TSPEAR: variants seen among roughly 807,000 people sequenced by gnomAD.
TSPEAR encodes thrombospondin type laminin G domain and EAR repeats.
In TSPEAR, 69 loss-of-function variants were observed where a neutral mutation model predicts 71.6. That is an observed-to-expected ratio of 0.96 (90% CI 0.79 to 1.18). The LOEUF (loss-of-function observed/expected upper bound fraction) is 1.18. Among genes scored for constraint, TSPEAR ranks in the 50% most tolerant of loss-of-function variants. The pLI is 0.00. For missense variants in TSPEAR, 971 were observed against 894.9 expected (o/e 1.09, Z -1.09); for synonymous variants, 402 against 387.2 (o/e 1.04, Z -0.45).
intron 3 of TSPEAR, among the ~76,000 whole-genome samples, chr21:44,531,562 G>A (rs1329727666): frequency 6.6e-6 from 1 of 150,892 alleles, no homozygotes; most frequent in Non-Finnish European, 1.5e-5. Flanking sequence ...ACGGGTGCTG[G>A]GTGGACATGA....
intron 2 of TSPEAR, among the ~76,000 whole-genome samples, chr21:44,563,057 T>C (rs1449934500): frequency 1.3e-5 from 2 of 152,106 alleles, no homozygotes; most frequent in Admixed American, 6.5e-5. Context: ...CTATAACATA[T>C]AGAAATCTAA....
chr21:44,658,725 G>A (rs930898067), intron 1 of TSPEAR, among the ~76,000 whole-genome samples: 2 of 152,072 alleles, frequency 1.3e-5, no homozygotes, highest in African/African-American at 2.4e-5. Context: ...CTTGCACTGT[G>A]GGGTAATAAG....
intron 8 of TSPEAR, among the ~76,000 whole-genome samples, chr21:44,525,108 C>T (rs2052824726): frequency 6.7e-6 from 1 of 150,040 alleles, no homozygotes; most frequent in Admixed American, 6.6e-5. Context: ...GGTTGTCAGT[C>T]AGCCAATCAG....
chr21:44,587,049 C>G (rs1018716328), intron 1 of TSPEAR, among the ~76,000 whole-genome samples: 1 of 152,106 alleles, frequency 6.6e-6, no homozygotes, highest in South Asian at 2.1e-4. Flanking sequence ...AGCAATCAGA[C>G]AAGAGAAAGA....
At chr21:44,595,751 T>C (rs1555927539) in intron 1 of TSPEAR, among the ~76,000 whole-genome samples, 1 of 152,238 alleles carries the variant, frequency 6.6e-6, no homozygotes, top group Non-Finnish European at 1.5e-5. Context: ...TGTGTATGTG[T>C]AAACATATAT....
At chr21:44,533,389 G>A (rs1192295134) in intron 3 of TSPEAR, among the ~76,000 whole-genome samples, 5 of 152,124 alleles carry the variant, frequency 3.3e-5, no homozygotes, top group African/African-American at 7.2e-5. Context: ...CTTGCCCCCT[G>A]GTCGGCTCCT....
chr21:44,607,616 T>C (rs900186737), intron 1 of TSPEAR, among the ~76,000 whole-genome samples: 2 of 152,188 alleles, frequency 1.3e-5, no homozygotes, highest in African/African-American at 4.8e-5. Context: ...AATCGGATTT[T>C]ACTACAATTA....
chr21:44,522,146 G>A, intron 8 of TSPEAR, 34 bp from the exon 9 acceptor site: 2 of 1,597,402 alleles, frequency 1.3e-6, no homozygotes, highest in Non-Finnish European at 1.7e-6. Context: ...GGGCAGGGAG[G>A]CAGATTCCAC....
At chr21:44,555,702 GCA>G (rs2053517052) in intron 2 of TSPEAR, among the ~76,000 whole-genome samples, 1 of 152,002 alleles carries the variant, frequency 6.6e-6, no homozygotes, top group Non-Finnish European at 1.5e-5. Context: ...GGTAGAGGCT[GCA>G]CACACACAGT....
chr21:44,648,061 C>A (rs1361934818), intron 1 of TSPEAR, among the ~76,000 whole-genome samples: 4 of 152,242 alleles, frequency 2.6e-5, no homozygotes, highest in African/African-American at 9.6e-5. Context: ...GGTGCCCACA[C>A]AGAGGGCTGC....
At chr21:44,504,920 C>T (rs1484145454) in intron 10 of TSPEAR, 39 bp from the exon 11 acceptor site, 8 of 1,532,168 alleles carry the variant, frequency 5.2e-6, no homozygotes, top group African/African-American at 2.7e-5. Context: ...ACACAACAGA[C>T]ATCGCCAGGG....
Position 44,506,168 on chromosome 21 carries a change from G to A in TSPEAR, c.1755-1287C>T, listed in dbSNP as rs1005794078. The stretch of plus-strand genomic sequence containing the variant: ...GTTGCAAACAAATTTGCTGTGTCCT[G>A]TCTTAGGAGTCTCACCTGAATTTAC... On this transcript the variant is annotated intron_variant, in intron 10 of 11. Transcript: ENST00000323084. This position sits in a 1 kb window ranked among gnomAD's most constrained non-coding sequence, Gnocchi z 4.2. Among the ~76,000 whole-genome samples, 3 of 152,214 alleles carry A rather than the reference G, an allele frequency of 2.0e-5. No individual in the cohort carries two copies. The highest frequency in any genetic ancestry group is 2.1e-4 in the South Asian group (1 of 4,826).
chr21:44,707,279 G>A (rs28620173), intron 1 of TSPEAR, among the ~76,000 whole-genome samples: 21,695 of 149,566 alleles, frequency 0.15, 1,814 homozygotes, highest in Non-Finnish European at 0.17. Flanking sequence ...CCAGGAAGAT[G>A]GGGGTGGGGA....
intron 2 of TSPEAR, among the ~76,000 whole-genome samples, chr21:44,547,662 C>T (rs11909604): frequency 0.032 from 4,808 of 152,280 alleles, 248 homozygotes; most frequent in African/African-American, 0.11. Flanking sequence ...GTTCCTTAAA[C>T]GCCTGGAATC....
chr21:44,681,958 C>T lies in TSPEAR; in HGVS notation c.82+29475G>A, dbSNP rs369373392. 6.4e-4 allele frequency: 1,027 copies of T among 1,613,834 alleles called. 7 individuals carry two copies. The South Asian group carries it at 9.7e-3, about 15-fold the overall frequency. On this transcript the variant is annotated intron_variant, in intron 1 of 11. Transcript: ENST00000323084. ...ACGACGGGCCTGCAGCTCACGGGCA[C>T]GCACACAGAGGACTGGCATCTCACG... is the stretch of plus-strand genomic sequence containing the variant.
chr21:44,501,438 T>C (rs1555911081), intron 11 of TSPEAR, among the ~76,000 whole-genome samples: 1 of 151,988 alleles, frequency 6.6e-6, no homozygotes, highest in African/African-American at 2.4e-5. Context: ...TACTAAAAAA[T>C]ACAAAACAAT....
intron 1 of TSPEAR, chr21:44,697,482 G>T: frequency 6.2e-7 from 1 of 1,614,060 alleles, no homozygotes; most frequent in Admixed American, 1.7e-5. Context: ...CAGCCGGCTT[G>T]CTGCACCTCC....
chr21:44,504,431 TG>T (rs2052145388), intron 11 of TSPEAR, among the ~76,000 whole-genome samples: 1 of 112,772 alleles, frequency 8.9e-6, no homozygotes, highest in African/African-American at 3.5e-5. Context: ...GGGAGGAAGC[TG>T]GCCTCAGTGA....
At chr21:44,573,640 CT>C in intron 1 of TSPEAR, 1 of 1,511,398 alleles carries the variant, frequency 6.6e-7, no homozygotes, top group Non-Finnish European at 8.9e-7. Context: ...AGCCTCCTGT[CT>C]GGACAACATG....
Sources: gnomAD v4.1 joint callset for allele counts (sites outside exome capture counted in the v4.1 genomes callset) on GRCh38, gnomAD v4.1.1 for gene constraint, Gnocchi (gnomAD v3.1) non-coding constraint, MANE v1.5 for transcripts, NCBI Gene and HGNC (gene_info 2026-07-23, HGNC 2026-07-21) for gene names.